KLF8: variants seen among roughly 807,000 people sequenced by gnomAD.
The protein encoded by KLF8 is KLF transcription factor 8.
In KLF8, 10 loss-of-function variants were observed where a neutral mutation model predicts 18.2. The observed-to-expected ratio is 0.55, with a 90% CI of 0.34 to 0.93. The LOEUF (loss-of-function observed/expected upper bound fraction) is 0.93, where lower values mean the gene tolerates loss of function less well. Ranked by LOEUF, KLF8 falls within the 40% of genes least tolerant of loss-of-function variation. The pLI is 0.02. For synonymous variants in KLF8, 109 were observed against 97.3 expected (o/e 1.12, Z -0.71); for missense variants, 264 against 277.9 (o/e 0.95, Z 0.36).
At chrX:56,159,874 A>C in the KLF8 span, among the ~76,000 whole-genome samples, 1 of 110,314 alleles carries the variant, frequency 9.1e-6, no homozygotes, top group Non-Finnish European at 1.9e-5. Flanking sequence ...GGGTTTTTTT[A>C]TGTCTCTATT....
At chrX:56,011,080 A>G in the KLF8 span, among the ~76,000 whole-genome samples, 74 of 112,204 alleles carry the variant, frequency 6.6e-4, no homozygotes, top group Non-Finnish European at 1.2e-3. Context: ...AAAATTAACA[A>G]TGATATTCAG....
At chrX:55,987,680 T>C in the KLF8 span, among the ~76,000 whole-genome samples, 14 of 112,406 alleles carry the variant, frequency 1.2e-4, no homozygotes, top group African/African-American at 4.2e-4. Context: ...TGTGTCTTTA[T>C]AGCAGCATGT....
rs1171696271 is a variant in KLF8, at chrX:56,288,706, C to T, written c.*4212C>T. Among the ~76,000 whole-genome samples, 1 of 112,663 alleles carries T rather than the reference C, an allele frequency of 8.9e-6. No homozygotes were observed. The highest frequency in any genetic ancestry group is 2.8e-4 in the East Asian group (1 of 3,624). On this transcript the variant is annotated 3_prime_UTR_variant, in exon 6 of 6. Coordinates refer to ENST00000468660, the MANE Select transcript of KLF8 (RefSeq NM_007250.5). ...CTTTATTGCTAACATGTTACTGGCA[C>T]AAACACGAAGTGAGCACATGCTGTT...
At chrX:56,078,838 C>G in the KLF8 span, among the ~76,000 whole-genome samples, 4 of 111,011 alleles carry the variant, frequency 3.6e-5, no homozygotes, top group African/African-American at 1.3e-4. Flanking sequence ...TTGGTCTATT[C>G]AGAGATTCAA....
At chrX:55,994,271 A>G in the KLF8 span, among the ~76,000 whole-genome samples, 1 of 108,457 alleles carries the variant, frequency 9.2e-6, no homozygotes, top group African/African-American at 3.4e-5. Context: ...ATTGGTGGTA[A>G]TGTCTCCTTT....
At chrX:56,093,399 T>G in the KLF8 span, among the ~76,000 whole-genome samples, 58,002 of 109,592 alleles carry the variant, frequency 0.53, 13,681 homozygotes, top group Non-Finnish European at 0.73. Context: ...GAGAGTGGAG[T>G]AAGGTATTTA....
the KLF8 span, among the ~76,000 whole-genome samples, chrX:55,938,132 G>A: frequency 5.6e-4 from 63 of 111,641 alleles, no homozygotes; most frequent in South Asian, 0.022. Flanking sequence ...GAGAAAGGTC[G>A]GGTTACCCAC....
the KLF8 span, among the ~76,000 whole-genome samples, chrX:56,066,317 G>T: frequency 0.087 from 9,714 of 111,982 alleles, 1,026 homozygotes; most frequent in African/African-American, 0.3. Context: ...GCCCCCAGAT[G>T]TTGGCCTCAG....
intron 5 of KLF8, 95 bp from the exon 6 acceptor site, chrX:56,284,218 C>T (rs2067241460): frequency 2.8e-6 from 2 of 710,892 alleles, no homozygotes; most frequent in Non-Finnish European, 3.9e-6. Flanking sequence ...AGCCTTTTCA[C>T]TAAAGCCTTG....
chrX:56,111,220 G>A, the KLF8 span, among the ~76,000 whole-genome samples: 5 of 112,272 alleles, frequency 4.5e-5, no homozygotes, highest in South Asian at 1.8e-3. Flanking sequence ...ACATTTATGT[G>A]TGATGCATTA....
intron 2 of KLF8, among the ~76,000 whole-genome samples, chrX:56,253,493 C>A (rs1376624081): frequency 1.8e-5 from 2 of 111,480 alleles, no homozygotes; most frequent in Non-Finnish European, 3.8e-5. Context: ...ATGTTCCTGG[C>A]ACCTTTGTAA....
chrX:55,961,318 G>A, the KLF8 span: 5 of 418,518 alleles, frequency 1.2e-5, no homozygotes, highest in African/African-American at 7.5e-5. Flanking sequence ...TGTGGAGATG[G>A]GACTTCCAGA....
At chrX:56,069,758 C>T in the KLF8 span, among the ~76,000 whole-genome samples, 1 of 112,106 alleles carries the variant, frequency 8.9e-6, no homozygotes, top group East Asian at 2.8e-4. Flanking sequence ...GCTTCCTGCC[C>T]AGCAGTCTTG....
the KLF8 span, among the ~76,000 whole-genome samples, chrX:56,032,395 G>A: frequency 2.7e-5 from 3 of 110,516 alleles, no homozygotes; most frequent in Non-Finnish European, 5.7e-5. Context: ...TTGAAATTTG[G>A]CAATGTATAC....
the KLF8 span, among the ~76,000 whole-genome samples, chrX:55,992,011 T>C: frequency 9.8e-5 from 11 of 112,352 alleles, no homozygotes; most frequent in African/African-American, 2.9e-4. Flanking sequence ...TTAGACCTTT[T>C]TGGATTCATA....
At chrX:55,974,641 C>A in the KLF8 span, among the ~76,000 whole-genome samples, 1 of 112,158 alleles carries the variant, frequency 8.9e-6, no homozygotes, top group Middle Eastern at 4.2e-3. Flanking sequence ...TTTACTTATT[C>A]ATTTAATCCA....
At chrX:56,179,722 G>A in the KLF8 span, among the ~76,000 whole-genome samples, 14 of 111,655 alleles carry the variant, frequency 1.3e-4, no homozygotes, top group Admixed American at 4.8e-4. Context: ...TTTTGTCAAA[G>A]GCCTTTATTG....
chrX:55,932,312 C>A, the KLF8 span, among the ~76,000 whole-genome samples: 12 of 110,592 alleles, frequency 1.1e-4, no homozygotes, highest in African/African-American at 3.6e-4. Flanking sequence ...TGGGTCTTGA[C>A]TCTTAATCCA....
the KLF8 span, among the ~76,000 whole-genome samples, chrX:56,217,609 C>T: frequency 6.4e-5 from 7 of 110,156 alleles, no homozygotes; most frequent in Admixed American, 4.9e-4. Context: ...TTAGTAGAGA[C>T]GGGGTTTCAC....
Sources: allele counts gnomAD v4.1 joint callset (sites outside exome capture counted in the v4.1 genomes callset), GRCh38; gene constraint gnomAD v4.1.1; transcripts MANE v1.5; gene names NCBI Gene and HGNC (gene_info 2026-07-23, HGNC 2026-07-21).